TMEM132C: variants seen among roughly 807,000 people sequenced by gnomAD.
TMEM132C encodes transmembrane protein 132C, also known as protein phosphatase 1, regulatory subunit 152.
In TMEM132C, 29 loss-of-function variants were observed where a neutral mutation model predicts 61.4. The ratio of observed to expected loss-of-function variants is 0.47; its 90% CI spans 0.35 to 0.64. The LOEUF (loss-of-function observed/expected upper bound fraction) is 0.64, where lower values mean the gene tolerates loss of function less well. Among genes scored for constraint, TMEM132C ranks in the 30% least tolerant of loss-of-function variants. The pLI is 0.00. For missense variants in TMEM132C, 1,408 were observed against 1,476.9 expected, an observed-to-expected ratio of 0.95 and a Z score of 0.76; for synonymous variants, 656 against 633.1, an observed-to-expected ratio of 1.04 and a Z score of -0.54.
chr12:128,463,552 C>T (rs2136072393), intron 2 of TMEM132C, among the ~76,000 whole-genome samples: 1 of 152,238 alleles, frequency 6.6e-6, no homozygotes, highest in Non-Finnish European at 1.5e-5. Flanking sequence ...CTCCTGACCT[C>T]AGGTGATCCA....
intron 1 of TMEM132C, among the ~76,000 whole-genome samples, chr12:128,393,878 A>C (rs1874850042): frequency 6.6e-6 from 1 of 152,212 alleles, no homozygotes; most frequent in Non-Finnish European, 1.5e-5. Context: ...TTGAAGCTCC[A>C]CCCAACAACT....
intron 1 of TMEM132C, among the ~76,000 whole-genome samples, chr12:128,384,167 A>T (rs207473503): frequency 5.9e-5 from 9 of 152,220 alleles, no homozygotes; most frequent in Non-Finnish European, 1.2e-4. Flanking sequence ...GAGGAGCTGA[A>T]GTCTGACCTT....
At chr12:128,321,656 A>G (rs982494988) in intron 1 of TMEM132C, among the ~76,000 whole-genome samples, 1 of 152,230 alleles carries the variant, frequency 6.6e-6, no homozygotes, top group Non-Finnish European at 1.5e-5. Flanking sequence ...AACTGTGGAC[A>G]TCTCAGAAAA....
intron 1 of TMEM132C, among the ~76,000 whole-genome samples, chr12:128,274,811 C>G (rs539485886): frequency 6.6e-6 from 1 of 152,284 alleles, no homozygotes; most frequent in East Asian, 1.9e-4. Context: ...GAATCAGGCT[C>G]TTTGGTAGGG....
intron 1 of TMEM132C, among the ~76,000 whole-genome samples, chr12:128,299,452 A>T (rs897685650): frequency 6.6e-6 from 1 of 152,170 alleles, no homozygotes; most frequent in African/African-American, 2.4e-5. Flanking sequence ...CCAGCTATTG[A>T]TGGCATGGCT....
intron 3 of TMEM132C, among the ~76,000 whole-genome samples, chr12:128,582,891 C>T (rs957510987): frequency 2.4e-4 from 37 of 152,272 alleles, no homozygotes; most frequent in African/African-American, 7.5e-4. Context: ...CCTCCCACCT[C>T]GGCCTCCCAA....
Position 128,705,911 on chromosome 12 carries a change from G to A in TMEM132C, c.2943G>A (p.Leu981=). 6.4e-7 allele frequency: 1 copy of A among 1,551,404 alleles called. No homozygotes were observed. The highest frequency in any genetic ancestry group is 8.7e-7 in the Non-Finnish European group (1 of 1,146,958). ...WVWLGNEAEL[L]ESMGDAPPPQ... is the part of the protein sequence containing the mutation. ...GGCTTGGCAATGAGGCCGAACTCCT[G>A]GAGAGCATGGGGGATGCGCCGCCGC... Residue 981 remains leucine, a synonymous_variant, in exon 9 of 9, where the codon CTG becomes CTA. Transcript: ENST00000435159.
At chr12:128,614,007 C>A (rs142726770) in intron 3 of TMEM132C, among the ~76,000 whole-genome samples, 3 of 152,184 alleles carry the variant, frequency 2.0e-5, no homozygotes, top group Admixed American at 2.0e-4. Context: ...TGACCACTGA[C>A]CCACCACTTA....
chr12:128,380,009 A>G (rs1874349778), intron 1 of TMEM132C, among the ~76,000 whole-genome samples: 1 of 152,196 alleles, frequency 6.6e-6, no homozygotes. Flanking sequence ...TGAAGAGCCA[A>G]AGAACTTTCA....
intron 1 of TMEM132C, among the ~76,000 whole-genome samples, chr12:128,287,485 A>G (rs1296323514): frequency 8.8e-5 from 2 of 22,774 alleles, no homozygotes; most frequent in Admixed American, 6.0e-4. Flanking sequence ...CTCTGTCTGC[A>G]TATCTATATC....
At chr12:128,336,538 A>G (rs1354542795) in intron 1 of TMEM132C, among the ~76,000 whole-genome samples, 1 of 152,186 alleles carries the variant, frequency 6.6e-6, no homozygotes, top group African/African-American at 2.4e-5. Context: ...CTTTTATTTT[A>G]TAAGTTAAAT....
chr12:128,588,854 A>G (rs915323508), intron 3 of TMEM132C, among the ~76,000 whole-genome samples: 1 of 152,162 alleles, frequency 6.6e-6, no homozygotes, highest in Non-Finnish European at 1.5e-5. Flanking sequence ...TAAGTCACCC[A>G]GTCTGTGAGA....
chr12:128,645,532 G>A (rs1954189749), intron 4 of TMEM132C, among the ~76,000 whole-genome samples: 1 of 152,054 alleles, frequency 6.6e-6, no homozygotes, highest in Non-Finnish European at 1.5e-5. Context: ...ATCCTCACTT[G>A]ATGAAAGCTT....
intron 3 of TMEM132C, 49 bp from the exon 4 acceptor site, chr12:128,616,103 G>A: frequency 1.3e-6 from 2 of 1,533,682 alleles, no homozygotes. Context: ...GGAGAGAAGG[G>A]TCCTTTGAAC....
intron 5 of TMEM132C, among the ~76,000 whole-genome samples, chr12:128,691,261 G>A (rs1361360435): frequency 1.3e-5 from 2 of 152,244 alleles, no homozygotes; most frequent in African/African-American, 4.8e-5. Flanking sequence ...CACTGCCTGA[G>A]CACTTTCTAG....
At chr12:128,427,387 GGTGTGTGTGTGTGTGTGTGT>G (rs761620460) in intron 2 of TMEM132C, among the ~76,000 whole-genome samples, 4 of 132,290 alleles carry the variant, frequency 3.0e-5, no homozygotes, top group East Asian at 2.2e-4. Context: ...CTTCCAAAGG[GGTGTGTGTGTGTGTGTGTGT>G]GTGTGTGTGT....
At chr12:128,701,561 A>T (rs961536263) in intron 8 of TMEM132C, among the ~76,000 whole-genome samples, 1 of 152,142 alleles carries the variant, frequency 6.6e-6, no homozygotes, top group Non-Finnish European at 1.5e-5. Context: ...GTCCTGCGGG[A>T]TGTAGAGTCA....
At chr12:128,381,986 G>C (rs962344787) in intron 1 of TMEM132C, among the ~76,000 whole-genome samples, 1 of 151,304 alleles carries the variant, frequency 6.6e-6, no homozygotes, top group African/African-American at 2.4e-5. Flanking sequence ...TCCCGTTGAA[G>C]ACCCTTCGCA....
intron 3 of TMEM132C, among the ~76,000 whole-genome samples, chr12:128,550,165 G>T (rs919780957): frequency 1.3e-5 from 2 of 152,196 alleles, no homozygotes; most frequent in Non-Finnish European, 1.5e-5. Context: ...ATTCTGGAAA[G>T]TCCGAGGTCA....
Sources: allele counts gnomAD v4.1 joint callset (sites outside exome capture counted in the v4.1 genomes callset), GRCh38; gene constraint gnomAD v4.1.1; transcripts MANE v1.5; gene names NCBI Gene and HGNC (gene_info 2026-07-23, HGNC 2026-07-21).